Variants in LRRC28 observed in about 807,000 individuals in gnomAD.
LRRC28 encodes the protein leucine rich repeat containing 28.
LRRC28 carries 39 observed loss-of-function variants against 45.7 expected under a neutral mutation model. The ratio of observed to expected loss-of-function variants is 0.85; its 90% CI spans 0.66 to 1.12. The LOEUF (loss-of-function observed/expected upper bound fraction) is 1.12. LRRC28 is among the 50% of genes most tolerant of loss of function. LRRC28 has a pLI of 0.00. For synonymous variants in LRRC28, 206 were observed against 178.8 expected, an observed-to-expected ratio of 1.15 and a Z score of -1.22; for missense variants, 435 against 438.5, an observed-to-expected ratio of 0.99 and a Z score of 0.07.
intron 5 of LRRC28, among the ~76,000 whole-genome samples, chr15:99,322,461 G>A (rs979042563): frequency 1.3e-5 from 2 of 151,978 alleles, no homozygotes; most frequent in African/African-American, 4.8e-5. Context: ...TTTGGAATGT[G>A]GACTCTTATG....
chr15:99,272,597 T>G (rs1237979511), intron 2 of LRRC28, among the ~76,000 whole-genome samples: 3 of 152,228 alleles, frequency 2.0e-5, no homozygotes, highest in African/African-American at 7.2e-5. Flanking sequence ...AAGAATATGG[T>G]AAAGCATCAT....
chr15:99,384,639 T>C (rs1412043363), intron 9 of LRRC28: 7 of 152,246 alleles, frequency 4.6e-5, no homozygotes, highest in African/African-American at 1.7e-4. Flanking sequence ...AAACTTGGAA[T>C]CACCGTGATG....
intron 5 of LRRC28, among the ~76,000 whole-genome samples, chr15:99,315,591 AT>A (rs1340322535): frequency 6.6e-6 from 1 of 151,928 alleles, no homozygotes; most frequent in East Asian, 1.9e-4. Context: ...TGAACCAATC[AT>A]TTTTTTCTTT....
At chr15:99,341,083 C>CTTTTTTT (rs528372394) in intron 6 of LRRC28, among the ~76,000 whole-genome samples, 80 of 100,502 alleles carry the variant, frequency 8.0e-4, no homozygotes, top group Non-Finnish European at 1.1e-3. Context: ...ATTCTACTGT[C>CTTTTTTT]TTTTTTTTTT....
At chr15:99,333,673 G>A (rs1452587371) in intron 5 of LRRC28, 1 of 529,678 alleles carries the variant, frequency 1.9e-6, no homozygotes, top group Non-Finnish European at 3.4e-6. Flanking sequence ...TCACCACTTT[G>A]TGTCTCTTTT....
chr15:99,311,021 G>A (rs1329044833), intron 5 of LRRC28, among the ~76,000 whole-genome samples: 2 of 152,134 alleles, frequency 1.3e-5, no homozygotes, highest in Non-Finnish European at 2.9e-5. Context: ...GCCCTGTGTG[G>A]GTCATGGTGG....
At chr15:99,329,822 T>C (rs1369050864) in intron 5 of LRRC28, among the ~76,000 whole-genome samples, 1 of 152,248 alleles carries the variant, frequency 6.6e-6, no homozygotes, top group Non-Finnish European at 1.5e-5. Flanking sequence ...GTTATAAAGC[T>C]GGCTGCACGT....
rs1232835081 is a variant in LRRC28 at position 99,287,817 on chromosome 15, T to C, written c.251T>C (p.Ile84Thr). The C allele has an allele frequency of 6.2e-6, 10 of 1,603,668 alleles. No homozygotes were observed. Among genetic ancestry groups the C allele is most frequent in the African/African-American group, 1.3e-5 (1 of 74,548 alleles). Residue 84 changes from isoleucine to threonine, a missense_variant, in exon 5 of 10, where the codon ATT becomes ACT. Physicochemically the swap from Ile to Thr is moderately conservative, Grantham distance 89. Transcript: ENST00000301981. ...SNNIVVVPEA[I>T]GSLVKLQCLD... ...CCTTCTCCTTTTCTCTTTGAAGCCATTGGGTCTCTTGTAAAACTCCAATGT... is the reference window on the plus strand; with the variant it reads ...CCTTCTCCTTTTCTCTTTGAAGCCACTGGGTCTCTTGTAAAACTCCAATGT...
At chr15:99,319,673 A>G (rs943316587) in intron 5 of LRRC28, among the ~76,000 whole-genome samples, 1 of 145,848 alleles carries the variant, frequency 6.9e-6, no homozygotes, top group African/African-American at 2.5e-5. Flanking sequence ...TTTTTTTTAA[A>G]TTACTGTCTT....
intron 2 of LRRC28, chr15:99,258,459 T>C (rs2081092700): frequency 1.2e-6 from 1 of 828,728 alleles, no homozygotes; most frequent in East Asian, 2.4e-5. Flanking sequence ...TTCCTATTTA[T>C]GTATGGAGCA....
intron 2 of LRRC28, among the ~76,000 whole-genome samples, chr15:99,267,000 T>A (rs1435505515): frequency 6.6e-6 from 1 of 152,216 alleles, no homozygotes; most frequent in East Asian, 1.9e-4. Context: ...TAAGTGTTTA[T>A]AGGACAAGGG....
intron 6 of LRRC28, among the ~76,000 whole-genome samples, chr15:99,340,361 T>C (rs757517491): frequency 1.3e-5 from 2 of 152,264 alleles, no homozygotes; most frequent in Non-Finnish European, 2.9e-5. Flanking sequence ...CTGTTAACTG[T>C]ACTTGTTTTT....
At chr15:99,257,932 T>A in intron 2 of LRRC28, 1 of 770,796 alleles carries the variant, frequency 1.3e-6, no homozygotes, top group South Asian at 1.4e-5. Context: ...GAGATTTTCC[T>A]TAGAGAACTG....
chr15:99,257,688 A>G, intron 2 of LRRC28: 1 of 760,394 alleles, frequency 1.3e-6, no homozygotes, highest in Non-Finnish European at 2.4e-6. Context: ...CGGGTCGGTC[A>G]GAGCTGTTGA....
chr15:99,266,083 A>G (rs1008707994), intron 2 of LRRC28, among the ~76,000 whole-genome samples: 3 of 152,226 alleles, frequency 2.0e-5, no homozygotes, highest in African/African-American at 7.2e-5. Flanking sequence ...CTGATTAAGC[A>G]GTTAATCTAT....
intron 3 of LRRC28, among the ~76,000 whole-genome samples, chr15:99,280,247 G>A (rs2152187100): frequency 6.6e-6 from 1 of 151,784 alleles, no homozygotes; most frequent in Non-Finnish European, 1.5e-5. Flanking sequence ...TGTATAGCTT[G>A]TGTTTTCATC....
chr15:99,318,292 TCA>T (rs35225241), intron 5 of LRRC28, among the ~76,000 whole-genome samples: 21,789 of 152,006 alleles, frequency 0.14, 1,574 homozygotes, highest in Non-Finnish European at 0.16. Context: ...AGAATTTTAA[TCA>T]CAGATTTCAG....
chr15:99,325,060 A>G (rs780499368), intron 5 of LRRC28, among the ~76,000 whole-genome samples: 1 of 152,242 alleles, frequency 6.6e-6, no homozygotes, highest in Non-Finnish European at 1.5e-5. Flanking sequence ...TCAAATCTAT[A>G]AACATGAAAT....
intron 6 of LRRC28, among the ~76,000 whole-genome samples, chr15:99,351,043 G>T (rs923743104): frequency 2.0e-5 from 3 of 152,052 alleles, no homozygotes; most frequent in South Asian, 4.1e-4. Flanking sequence ...CTAGCAATCC[G>T]CCTGTCTTGG....
Sources: allele counts gnomAD v4.1 joint callset (sites outside exome capture counted in the v4.1 genomes callset), GRCh38; gene constraint gnomAD v4.1.1; transcripts MANE v1.5; gene names NCBI Gene and HGNC (gene_info 2026-07-23, HGNC 2026-07-21).